USP1: variants seen among roughly 807,000 people sequenced by gnomAD.
USP1 encodes ubiquitin specific peptidase 1.
USP1 carries 18 observed loss-of-function variants against 72.2 expected under a neutral mutation model. The ratio of observed to expected loss-of-function variants is 0.25; its 90% CI spans 0.17 to 0.37. The LOEUF is 0.37. Ranked by LOEUF, USP1 falls within the 10% of genes least tolerant of loss-of-function variation. The pLI is 1.00. For missense variants in USP1, 759 were observed against 884.9 expected (o/e 0.86, Z 1.81); for synonymous variants, 354 against 303.7 (o/e 1.17, Z -1.72).
intron 6 of USP1, among the ~76,000 whole-genome samples, chr1:62,446,855 C>T (rs753180019): frequency 4.0e-5 from 6 of 151,714 alleles, no homozygotes; most frequent in Non-Finnish European, 7.4e-5. Flanking sequence ...GCTCTTGTTG[C>T]CCAGGCTAGA....
chr1:62,449,143 C>T (rs1460460853), intron 8 of USP1, among the ~76,000 whole-genome samples: 1 of 152,184 alleles, frequency 6.6e-6, no homozygotes, highest in Non-Finnish European at 1.5e-5. Flanking sequence ...CTTAGCCTCA[C>T]AAAGTGCTGG....
intron 6 of USP1, among the ~76,000 whole-genome samples, chr1:62,446,182 G>C (rs1645172093): frequency 6.6e-6 from 1 of 152,132 alleles, no homozygotes; most frequent in Non-Finnish European, 1.5e-5. Flanking sequence ...TTCATTGTGT[G>C]AATTTCACGG....
chr1:62,448,050 T>C (rs932930027), intron 7 of USP1, among the ~76,000 whole-genome samples: 1 of 152,174 alleles, frequency 6.6e-6, no homozygotes, highest in Non-Finnish European at 1.5e-5. Context: ...CCTCCCAAAG[T>C]GCTGGGATTA....
chr1:62,444,914 G>A lies in USP1; in HGVS notation c.734G>A (p.Gly245Asp), dbSNP rs762188311. Residue 245 changes from glycine to aspartate, a missense_variant, in exon 6 of 9, where the codon GGT becomes GAT. By Grantham distance (94) the Gly-to-Asp change is moderately conservative (BLOSUM62 -1). Transcript: ENST00000339950. ...EIPHPKEEMN[G>D]INSIEMDSMR... ...CCTCATCCGAAAGAGGAAATGAATG[G>A]TATTAACAGCATAGAGATGGACAGT... 6.2e-7 allele frequency: 1 copy of A among 1,613,644 alleles called. No individual in the cohort carries two copies. The highest frequency in any genetic ancestry group is 1.7e-5 in the Admixed American group (1 of 60,012).
rs1190156058 is a variant in USP1 at position 62,451,791 on chromosome 1, TTTC to T, written c.*813_*815del. ...TATATTTTTATAAATACAGCTGAGT[TTTC>T]TTAAAGCGAATAAGTGTGTGTATAT... is the stretch of plus-strand genomic sequence containing the variant. On this transcript the variant is annotated 3_prime_UTR_variant, in exon 9 of 9. Coordinates refer to ENST00000339950, the MANE Select transcript of USP1 (RefSeq NM_003368.5). The T allele has an allele frequency of 2.0e-5, 3 of 152,614 alleles. No individual in the cohort carries two copies. Among genetic ancestry groups the T allele is most frequent in the Admixed American group, 6.5e-5 (1 of 15,278 alleles). The allele number at this position is 152,614 out of a possible 1,614,324, so 9.5% of individuals were successfully genotyped here.
At chr1:62,439,460 G>C (rs1645116837) in intron 1 of USP1, among the ~76,000 whole-genome samples, 1 of 152,222 alleles carries the variant, frequency 6.6e-6, no homozygotes, top group Middle Eastern at 3.2e-3. Context: ...TGGGATTACA[G>C]GCGTGAGCTA....
chr1:62,441,101 G>A (rs983184085), intron 2 of USP1, among the ~76,000 whole-genome samples: 1 of 151,058 alleles, frequency 6.6e-6, no homozygotes, highest in Non-Finnish European at 1.5e-5. Context: ...ATCTTACTTA[G>A]TGCAGCCTCT....
chr1:62,445,011 T>A lies in USP1; in HGVS notation c.831T>A (p.Phe277Leu). 1 of 1,613,276 alleles carries A rather than the reference T, an allele frequency of 6.2e-7. No individual in the cohort carries two copies. The highest frequency in any genetic ancestry group is 8.5e-7 in the Non-Finnish European group (1 of 1,179,812). Residue 277 changes from phenylalanine to leucine, a missense_variant, in exon 6 of 9, where the codon TTT becomes TTA. Coordinates refer to ENST00000339950, the MANE Select transcript of USP1 (RefSeq NM_003368.5). ...GNGKRKSDTEFGNMKKKVKLS... is the reference protein window; with the variant it reads ...GNGKRKSDTELGNMKKKVKLS... ...GGAAAAGAAAAAGTGACACTGAATT[T>A]GGTAACATGAAGAAAAAAGTTAAAT...
intron 2 of USP1, among the ~76,000 whole-genome samples, chr1:62,441,197 CAT>C (rs1645131968): frequency 6.6e-6 from 1 of 152,284 alleles, no homozygotes; most frequent in Admixed American, 6.5e-5. Flanking sequence ...TGAAACAAAT[CAT>C]AGTCTCTCAG....
Position 62,448,658 on chromosome 1 carries a change from T to C in USP1, c.1614T>C (p.Ser538=). ...ITIHLKCFAA[S]GLEFDCYGGG... is the part of the protein sequence containing the mutation. ...TTCATTTGAAGTGCTTTGCTGCTAG[T>C]GGTTTGGAGTAAGTATTGTAAATAA... Residue 538 remains serine (S), a synonymous_variant, in exon 8 of 9, where the codon AGT becomes AGC. Transcript: ENST00000339950. The C allele has an allele frequency of 6.2e-7, 1 of 1,612,544 alleles. No homozygotes were observed. Among genetic ancestry groups the C allele is most frequent in the Non-Finnish European group, 8.5e-7 (1 of 1,179,858 alleles).
In USP1 at chr1:62,441,602, A is replaced by T. The variant is rs377258201; in HGVS notation, c.285A>T (p.Ile95=). Residue 95 remains isoleucine, a synonymous_variant, in exon 3 of 9, where the codon ATA becomes ATT. Coordinates refer to ENST00000339950, the MANE Select transcript of USP1 (RefSeq NM_003368.5). The part of the protein sequence containing the change: ...NLGNTCYLNS[I]LQVLYFCPGF... ...GCAATACTTGCTATCTTAATAGTAT[A>T]CTTCAGGTAAATTGACAATTTTGCT... The T allele has an allele frequency of 1.3e-5, 21 of 1,604,850 alleles. 1 individual carries two copies. In the African/African-American group the frequency reaches 2.8e-4, roughly 22 times the overall value.
At chr1:62,446,458 C>T (rs1242753982) in intron 6 of USP1, among the ~76,000 whole-genome samples, 1 of 152,182 alleles carries the variant, frequency 6.6e-6, no homozygotes, top group African/African-American at 2.4e-5. Context: ...ACCTGTATAG[C>T]ATATAACTAC....
chr1:62,446,757 A>G (rs1279881386), intron 6 of USP1, among the ~76,000 whole-genome samples: 3 of 152,168 alleles, frequency 2.0e-5, no homozygotes, highest in Non-Finnish European at 4.4e-5. Context: ...GGTTTATTCT[A>G]TGGGGAGGTG....
rs1645198334 is a variant in USP1 at position 62,449,399 on chromosome 1, T to G, written c.1622+733T>G. Among the ~76,000 whole-genome samples the G allele has an allele frequency of 2.0e-5, 3 of 152,244 alleles. No individual in the cohort carries two copies. In the South Asian group the frequency reaches 6.2e-4, roughly 32 times the overall value. ...AATGCTGATTGTTTTGGATAGTCTGTTTTTTTCTGACATGTGTAATGTCAT... is the reference window on the plus strand; with the variant it reads ...AATGCTGATTGTTTTGGATAGTCTGGTTTTTTCTGACATGTGTAATGTCAT... On this transcript the variant is annotated intron_variant, in intron 8 of 8. Transcript: ENST00000339950.
chr1:62,450,686 A>G lies in USP1; in HGVS notation c.2063A>G (p.Asp688Gly). 1 of 1,614,196 alleles carries G rather than the reference A, an allele frequency of 6.2e-7. No homozygotes were observed. Among genetic ancestry groups the G allele is most frequent in the Non-Finnish European group, 8.5e-7 (1 of 1,180,022 alleles). ...YELYNKASNP[D>G]KVASTAFAEN... is the part of the protein sequence containing the mutation. ...CTATACAACAAAGCCTCTAATCCTG[A>G]TAAGGTTGCTAGTACAGCGTTTGCT... Residue 688 changes from aspartate (D) to glycine (G), a missense_variant, in exon 9 of 9, where the codon GAT (aspartate) becomes GGT (glycine). Asp to Gly is a moderately conservative substitution (Grantham distance 94, BLOSUM62 -1). Coordinates refer to ENST00000339950, the MANE Select transcript of USP1 (RefSeq NM_003368.5).
chr1:62,440,488 CT>C (rs965366680), intron 2 of USP1, among the ~76,000 whole-genome samples: 9 of 152,014 alleles, frequency 5.9e-5, no homozygotes, highest in Non-Finnish European at 1.0e-4. Context: ...TAAAAATAAA[CT>C]TTAAGTAATG....
rs1207914457 is a variant in USP1 at position 62,443,453 on chromosome 1, C to T, written c.557+134C>T. Reference sequence around the variant, plus strand: ...TCTAGGTCCACAGTCCTTTATATCCCAGAGACTCTGAATACTGGAAATTTT... The same window carrying T: ...TCTAGGTCCACAGTCCTTTATATCCTAGAGACTCTGAATACTGGAAATTTT... On this transcript the variant is annotated intron_variant, in intron 5 of 8. Transcript: ENST00000339950. The T allele has an allele frequency of 5.5e-6, 5 of 906,588 alleles. No individual in the cohort carries two copies. The East Asian group carries it at 1.5e-4, about 28-fold the overall frequency. 56.2% of individuals were successfully genotyped at this position (906,588 alleles called of 1,614,324 possible).
chr1:62,439,893 GTAA>G lies in USP1; in HGVS notation c.28_30del (p.Asn10del). On this transcript the variant is annotated inframe_deletion, in exon 2 of 9. Transcript: ENST00000339950. ...ATGCCTGGTGTCATACCTAGTGAAA[GTAA>G]TGGACTTTCAAGAGGTAGCCCTTCA... The G allele has an allele frequency of 6.6e-7, 1 of 1,516,744 alleles. No individual in the cohort carries two copies. 94.0% of individuals were successfully genotyped at this position (1,516,744 alleles called of 1,614,324 possible).
At position 62,440,288 on chromosome 1, in the gene USP1, G is replaced by A. The variant is rs951256848; in HGVS notation, c.170+251G>A. 2.0e-5 allele frequency among the ~76,000 whole-genome samples: 3 copies of A among 151,926 alleles called. No homozygotes were observed. The South Asian group carries it at 6.2e-4, about 31-fold the overall frequency. On this transcript the variant is annotated intron_variant, in intron 2 of 8. Coordinates refer to ENST00000339950, the MANE Select transcript of USP1 (RefSeq NM_003368.5). The stretch of plus-strand genomic sequence containing the variant: ...TTTAGACTAACTTGGAGAAATATTT[G>A]TTGACTAAAATTGTCTTTCTGAGTT...
Sources: gnomAD v4.1 joint callset for allele counts (sites outside exome capture counted in the v4.1 genomes callset) on GRCh38, gnomAD v4.1.1 for gene constraint, MANE v1.5 for transcripts, NCBI Gene and HGNC (gene_info 2026-07-23, HGNC 2026-07-21) for gene names.